DPH6: variants seen among roughly 807,000 people sequenced by gnomAD.
DPH6 encodes diphthine--ammonia ligase.
In DPH6, 33 loss-of-function variants were observed where a neutral mutation model predicts 38.2. The ratio of observed to expected loss-of-function variants is 0.86; its 90% confidence interval spans 0.65 to 1.15. The LOEUF (loss-of-function observed/expected upper bound fraction) is 1.15. DPH6 is among the 50% of genes most tolerant of loss of function. The pLI, the probability that DPH6 is intolerant of heterozygous loss-of-function variation, is 0.00. For missense variants in DPH6, 325 were observed against 320.0 expected, an observed-to-expected ratio of 1.02 and a Z score of -0.12; for synonymous variants, 108 against 103.0, an observed-to-expected ratio of 1.05 and a Z score of -0.30.
At chr15:35,428,415 A>G (rs1211380890) in intron 5 of DPH6, among the ~76,000 whole-genome samples, 1 of 152,016 alleles carries the variant, frequency 6.6e-6, no homozygotes, top group Non-Finnish European at 1.5e-5. Flanking sequence ...GAAGAATGGA[A>G]TTTCTCTCCA....
At chr15:35,177,506 A>G in the DPH6 span, among the ~76,000 whole-genome samples, 1 of 150,280 alleles carries the variant, frequency 6.7e-6, no homozygotes, top group East Asian at 2.0e-4. Context: ...GGATTGCTCA[A>G]ACTCAGGAGT....
chr15:35,147,946 A>G, the DPH6 span, among the ~76,000 whole-genome samples: 1 of 152,226 alleles, frequency 6.6e-6, no homozygotes, highest in Non-Finnish European at 1.5e-5. Flanking sequence ...TGACAAGACC[A>G]TTTGACAGCT....
At chr15:35,199,624 T>C in the DPH6 span, among the ~76,000 whole-genome samples, 1 of 152,160 alleles carries the variant, frequency 6.6e-6, no homozygotes, top group Non-Finnish European at 1.5e-5. Context: ...TCTAGAATGA[T>C]TCTTTTTCAT....
At chr15:35,355,793 T>C (rs543200251) in intron 3 of DPH6, among the ~76,000 whole-genome samples, 1 of 152,322 alleles carries the variant, frequency 6.6e-6, no homozygotes, top group East Asian at 1.9e-4. Context: ...AGTGTCTTTG[T>C]GGCATTCTCT....
chr15:35,544,829 G>C (rs2055320076), intron 1 of DPH6, among the ~76,000 whole-genome samples: 1 of 151,956 alleles, frequency 6.6e-6, no homozygotes, highest in African/African-American at 2.4e-5. Flanking sequence ...CTAAGTCTTT[G>C]TTTGTTGTGC....
chr15:35,452,022 A>T (rs1295387264), intron 4 of DPH6, among the ~76,000 whole-genome samples: 1 of 152,028 alleles, frequency 6.6e-6, no homozygotes, highest in East Asian at 1.9e-4. Flanking sequence ...AAAACAAACA[A>T]ACAAAAAAAG....
intron 3 of DPH6, among the ~76,000 whole-genome samples, chr15:35,225,829 C>T (rs763159085): frequency 6.6e-6 from 1 of 152,138 alleles, no homozygotes; most frequent in African/African-American, 2.4e-5. Flanking sequence ...AATTTAAATA[C>T]CTGAGAGGAG....
chr15:35,367,426 T>C (rs2060816305), downstream of DPH6, among the ~76,000 whole-genome samples: 1 of 151,914 alleles, frequency 6.6e-6, no homozygotes, highest in South Asian at 2.1e-4. Context: ...AGTCTGATTT[T>C]TCTGTTAAAG....
At chr15:35,213,919 T>G (rs540045037), downstream of DPH6, among the ~76,000 whole-genome samples, 1 of 152,186 alleles carries the variant, frequency 6.6e-6, no homozygotes, top group Non-Finnish European at 1.5e-5. Flanking sequence ...GAGACCATCC[T>G]GGCTAACACG....
intron 3 of DPH6, among the ~76,000 whole-genome samples, chr15:35,244,597 G>T (rs2051623411): frequency 6.6e-6 from 1 of 152,182 alleles, no homozygotes; most frequent in South Asian, 2.1e-4. Context: ...TGCTTATAAG[G>T]TGGTAAGGCA....
chr15:35,166,254 A>G, the DPH6 span, among the ~76,000 whole-genome samples: 2 of 151,932 alleles, frequency 1.3e-5, no homozygotes, highest in Non-Finnish European at 2.9e-5. Flanking sequence ...AATCAGAACT[A>G]ACAGGCCTTC....
intron 3 of DPH6, among the ~76,000 whole-genome samples, chr15:35,241,723 T>C (rs1204273357): frequency 7.0e-6 from 1 of 142,082 alleles, no homozygotes; most frequent in African/African-American, 2.6e-5. Context: ...CCTTACCATC[T>C]CATTAAAACC....
At chr15:35,387,651 A>G (rs1280232757) in intron 6 of DPH6, among the ~76,000 whole-genome samples, 5 of 151,946 alleles carry the variant, frequency 3.3e-5, no homozygotes, top group African/African-American at 1.2e-4. Flanking sequence ...TTTGTCTGTT[A>G]TTGGTGTATA....
At chr15:35,220,954 G>C (rs1163026385) in intron 3 of DPH6, among the ~76,000 whole-genome samples, 1 of 152,158 alleles carries the variant, frequency 6.6e-6, no homozygotes, top group East Asian at 1.9e-4. Flanking sequence ...AATCATCTGT[G>C]GGTGAGATTA....
intron 3 of DPH6, among the ~76,000 whole-genome samples, chr15:35,536,974 T>G (rs929740967): frequency 6.6e-6 from 1 of 152,104 alleles, no homozygotes; most frequent in African/African-American, 2.4e-5. Context: ...AGTGTCTACT[T>G]CTTATGCTAT....
chr15:35,484,114 T>A (rs1200744150), intron 3 of DPH6, among the ~76,000 whole-genome samples: 1 of 152,192 alleles, frequency 6.6e-6, no homozygotes, highest in Admixed American at 6.5e-5. Context: ...TATTGAATTG[T>A]ACACTTATAA....
intron 3 of DPH6, among the ~76,000 whole-genome samples, chr15:35,257,170 C>A (rs1209698311): frequency 6.6e-6 from 1 of 151,994 alleles, no homozygotes; most frequent in African/African-American, 2.4e-5. Context: ...GCATAGCATA[C>A]CAGGAAAGGA....
chr15:35,470,054 C>T (rs11073096), intron 3 of DPH6, among the ~76,000 whole-genome samples: 16,315 of 151,832 alleles, frequency 0.11, 1,312 homozygotes, highest in African/African-American at 0.24. Flanking sequence ...AAAAATTAGC[C>T]GGGCATGGTG....
downstream of DPH6, among the ~76,000 whole-genome samples, chr15:35,213,913 C>A (rs1176289514): frequency 6.6e-6 from 1 of 152,166 alleles, no homozygotes; most frequent in Admixed American, 6.5e-5. Flanking sequence ...GAGATCGAGA[C>A]CATCCTGGCT....
Sources: gnomAD v4.1 joint callset for allele counts (sites outside exome capture counted in the v4.1 genomes callset) on GRCh38, gnomAD v4.1.1 for gene constraint, MANE v1.5 for transcripts, NCBI Gene and HGNC (gene_info 2026-07-23, HGNC 2026-07-21) for gene names.